Variants in SIMC1 observed in about 807,000 individuals in gnomAD.
The protein encoded by SIMC1 is SUMO interacting motifs containing 1.
In SIMC1, 55 loss-of-function variants were observed where a neutral mutation model predicts 82.3. The observed-to-expected ratio is 0.67, with a 90% CI of 0.54 to 0.84. The LOEUF (loss-of-function observed/expected upper bound fraction) is 0.84, where lower values mean the gene tolerates loss of function less well. Ranked by LOEUF, SIMC1 falls within the 40% of genes least tolerant of loss-of-function variation. The pLI, the probability that SIMC1 is intolerant of heterozygous loss-of-function variation, is 0.00. For missense variants in SIMC1, 915 were observed against 1,107.2 expected, an observed-to-expected ratio of 0.83 and a Z score of 2.46; for synonymous variants, 353 against 426.3, an observed-to-expected ratio of 0.83 and a Z score of 2.12.
intron 9 of SIMC1, among the ~76,000 whole-genome samples, chr5:176,341,750 G>GTGA (rs59865118): frequency 4.1e-3 from 620 of 151,726 alleles, no homozygotes; most frequent in East Asian, 0.014. Context: ...GATTCCTATA[G>GTGA]TGATGATGAT....
At chr5:176,253,442 G>C (rs1321054399) in intron 1 of SIMC1, among the ~76,000 whole-genome samples, 2 of 152,066 alleles carry the variant, frequency 1.3e-5, no homozygotes, top group African/African-American at 4.8e-5. Context: ...TCGAACTCCT[G>C]ACCTCCAGTG....
intron 4 of SIMC1, among the ~76,000 whole-genome samples, chr5:176,297,545 G>GTT (rs1189531660): frequency 8.9e-6 from 1 of 112,458 alleles, no homozygotes; most frequent in African/African-American, 3.0e-5. Flanking sequence ...TGAACTCTCT[G>GTT]TAATAAACAA....
chr5:176,308,625 C>G (rs1173484955), intron 4 of SIMC1: 4 of 1,584,350 alleles, frequency 2.5e-6, no homozygotes, highest in Non-Finnish European at 3.5e-6. Context: ...CCTTCATGGT[C>G]CACAAGACTT....
At chr5:176,261,416 A>G (rs887253275) in intron 1 of SIMC1, among the ~76,000 whole-genome samples, 7 of 152,198 alleles carry the variant, frequency 4.6e-5, no homozygotes, top group African/African-American at 1.7e-4. Flanking sequence ...TGGGTAGAAC[A>G]AATGCTTTTT....
intron 1 of SIMC1, among the ~76,000 whole-genome samples, chr5:176,287,787 C>T (rs963378351): frequency 2.0e-5 from 3 of 151,004 alleles, no homozygotes; most frequent in Non-Finnish European, 4.4e-5. Context: ...TTGCAGGATA[C>T]AGTATCAATA....
chr5:176,305,147 G>GA (rs1292672729), intron 4 of SIMC1, among the ~76,000 whole-genome samples: 1 of 108,002 alleles, frequency 9.3e-6, no homozygotes, highest in African/African-American at 3.2e-5. Flanking sequence ...GGGGGGGGGG[G>GA]TCAGCCCCCC....
intron 1 of SIMC1, among the ~76,000 whole-genome samples, chr5:176,254,890 C>G (rs577123992): frequency 6.6e-6 from 1 of 152,312 alleles, no homozygotes; most frequent in African/African-American, 2.4e-5. Flanking sequence ...AATGTTTCCA[C>G]CTTTGTTCAC....
At chr5:176,275,588 A>C (rs1762649772) in intron 1 of SIMC1, among the ~76,000 whole-genome samples, 1 of 151,806 alleles carries the variant, frequency 6.6e-6, no homozygotes, top group African/African-American at 2.4e-5. Context: ...TTGCCCATTC[A>C]GTATGATATT....
chr5:176,303,709 G>A (rs1317630608), intron 4 of SIMC1, among the ~76,000 whole-genome samples: 1 of 152,206 alleles, frequency 6.6e-6, no homozygotes, highest in Non-Finnish European at 1.5e-5. Flanking sequence ...TCAAAACAGT[G>A]TGGTACAAGA....
At chr5:176,340,548 C>G (rs777298693) in intron 9 of SIMC1, among the ~76,000 whole-genome samples, 1 of 152,188 alleles carries the variant, frequency 6.6e-6, no homozygotes, top group Non-Finnish European at 1.5e-5. Flanking sequence ...GGAGCCCTGT[C>G]CACGGACGGG....
In SIMC1 at chr5:176,327,460, A is replaced by T. The variant is rs538182243; in HGVS notation, c.2171+2703A>T. 1.0e-3 allele frequency among the ~76,000 whole-genome samples: 158 copies of T among 152,314 alleles called. 1 individual carries two copies. Among genetic ancestry groups the T allele is most frequent in the Non-Finnish European group, 1.6e-3 (110 of 68,026 alleles). ...AGTGTATAGAAACCCTGCAACCTTA[A>T]TAAATTAACTTATTCTAGTAGGATT... On this transcript the variant is annotated intron_variant, in intron 7 of 9. Coordinates refer to ENST00000429602, the MANE Select transcript of SIMC1 (RefSeq NM_001308195.2).
chr5:176,255,577 CTTTTTTTTTTTT>C (rs57239326), intron 1 of SIMC1, among the ~76,000 whole-genome samples: 4 of 134,380 alleles, frequency 3.0e-5, no homozygotes, highest in Non-Finnish European at 4.7e-5. Flanking sequence ...GTGAGACTGT[CTTTTTTTTTTTT>C]TTTTTTTTAA....
intron 2 of SIMC1, among the ~76,000 whole-genome samples, chr5:176,293,389 C>T (rs1298163042): frequency 1.3e-5 from 2 of 151,372 alleles, no homozygotes; most frequent in African/African-American, 4.9e-5. Flanking sequence ...GTGCCAGGAT[C>T]ACGCCACAGT....
chr5:176,259,965 A>T (rs1480271479), intron 1 of SIMC1, among the ~76,000 whole-genome samples: 1 of 150,074 alleles, frequency 6.7e-6, no homozygotes, highest in Non-Finnish European at 1.5e-5. Context: ...AAAATTACTT[A>T]ATATATTATA....
intron 4 of SIMC1, chr5:176,308,271 G>A: frequency 6.6e-7 from 1 of 1,506,914 alleles, no homozygotes; most frequent in Non-Finnish European, 9.2e-7. Context: ...GATGCCATCA[G>A]AATTGTTCAC....
intron 4 of SIMC1, among the ~76,000 whole-genome samples, chr5:176,297,159 C>G (rs1267170630): frequency 6.6e-6 from 1 of 152,078 alleles, no homozygotes; most frequent in Non-Finnish European, 1.5e-5. Context: ...GGATCAGTAG[C>G]CAGGTTACCT....
rs531897818 is a variant in SIMC1, at chr5:176,306,790, C to T, written c.1735-6901C>T. Among the ~76,000 whole-genome samples the T allele has an allele frequency of 8.6e-5, 13 of 151,532 alleles. 1 individual carries two copies. The South Asian group carries it at 2.7e-3, about 32-fold the overall frequency. On this transcript the variant is annotated intron_variant, in intron 4 of 9. Transcript: ENST00000429602. ...ACAAACACTGCGGAGGCCGCAGGGT[C>T]CTCTGCCTAGGAAAACCAGAGACCT...
intron 9 of SIMC1, 120 bp from the exon 10 acceptor site, chr5:176,345,063 C>A (rs1201237638): frequency 5.2e-6 from 7 of 1,337,128 alleles, no homozygotes; most frequent in African/African-American, 1.5e-5. Flanking sequence ...CAGCCTTCGA[C>A]TTGTATCCCT....
At chr5:176,305,536 G>A (rs1258021403) in intron 4 of SIMC1, among the ~76,000 whole-genome samples, 1 of 141,306 alleles carries the variant, frequency 7.1e-6, no homozygotes, top group African/African-American at 2.7e-5. Context: ...GAGGTGGGGG[G>A]GTCAGCCCCC....
Sources: gnomAD v4.1 joint callset for allele counts (sites outside exome capture counted in the v4.1 genomes callset) on GRCh38, gnomAD v4.1.1 for gene constraint, MANE v1.5 for transcripts, NCBI Gene and HGNC (gene_info 2026-07-23, HGNC 2026-07-21) for gene names.